Variants in SNUPN observed in about 807,000 individuals in gnomAD.
SNUPN encodes snurportin 1, also known as snurportin-1.
In SNUPN, 31 loss-of-function variants were observed where a neutral mutation model predicts 39.2. That is an observed-to-expected ratio of 0.79 (90% CI 0.59 to 1.07). SNUPN has a LOEUF of 1.07. SNUPN is among the 50% of genes least tolerant of loss of function. The pLI, the probability that SNUPN is intolerant of heterozygous loss-of-function variation, is 0.00. For synonymous variants in SNUPN, 132 were observed against 159.0 expected, an observed-to-expected ratio of 0.83 and a Z score of 1.28; for missense variants, 382 against 434.2, an observed-to-expected ratio of 0.88 and a Z score of 1.07.
Position 75,598,426 on chromosome 15 carries a change from G to C in SNUPN, c.1015C>G (p.Leu339Val). ...GAACCCTTCAACTTGGGAGTAGACA[G>C]GTGCTCCAATTCATAGTGCCCATTC... is the stretch of plus-strand genomic sequence containing the variant. ...SENGHYELEH[L>V]STPKLKGSSH... Residue 339 changes from leucine to valine, a missense_variant, in exon 9 of 9, where the codon CTG (leucine) becomes GTG (valine). Coordinates refer to ENST00000308588, the MANE Select transcript of SNUPN (RefSeq NM_005701.4). 1 of 1,614,214 alleles carries C rather than the reference G, an allele frequency of 6.2e-7. No homozygotes were observed. The highest frequency in any genetic ancestry group is 1.1e-5 in the South Asian group (1 of 91,088).
Position 75,605,238 on chromosome 15 carries a change from G to A in SNUPN, c.601-11C>T. The stretch of plus-strand genomic sequence containing the variant: ...GAATCGGAAATCAGTCTGCCACAGA[G>A]AAGGGAAACAGAAAGATGAAATACT... On this transcript the variant is annotated splice_polypyrimidine_tract_variant and intron_variant, in intron 6 of 8. Coordinates refer to ENST00000308588, the MANE Select transcript of SNUPN (RefSeq NM_005701.4). 2 of 1,584,416 alleles carry A rather than the reference G, an allele frequency of 1.3e-6. No individual in the cohort carries two copies. The highest frequency in any genetic ancestry group is 1.7e-6 in the Non-Finnish European group (2 of 1,156,214).
intron 6 of SNUPN, among the ~76,000 whole-genome samples, chr15:75,606,855 G>A (rs1482783089): frequency 2.0e-5 from 3 of 152,038 alleles, no homozygotes; most frequent in Non-Finnish European, 4.4e-5. Context: ...TGGGGCTGCT[G>A]CACAAGGTGG....
At chr15:75,616,971 C>T (rs375174183) in intron 3 of SNUPN, among the ~76,000 whole-genome samples, 182 of 152,292 alleles carry the variant, frequency 1.2e-3, no homozygotes, top group African/African-American at 4.1e-3. Flanking sequence ...AGACTGGCCT[C>T]ATAGTACACT....
intron 4 of SNUPN, 49 bp downstream of exon 4, chr15:75,609,841 T>A: frequency 7.0e-7 from 1 of 1,434,588 alleles, no homozygotes; most frequent in Non-Finnish European, 9.8e-7. Flanking sequence ...AAAGAATCCC[T>A]CCCACTACAG....
Position 75,598,486 on chromosome 15 carries a change from C to T in SNUPN, c.955G>A (p.Gly319Ser), listed in dbSNP as rs778923285. Residue 319 changes from glycine (G) to serine (S), a missense_variant, in exon 9 of 9, where the codon GGC becomes AGC. Coordinates refer to ENST00000308588, the MANE Select transcript of SNUPN (RefSeq NM_005701.4). ...IMEHKKSQKE[G>S]MKEKLTHKAS... is the part of the protein sequence containing the mutation. ...TTGTGTGTGAGTTTCTCCTTCATGC[C>T]TTCCTTCTGGCTCTTCTTGTGCTCC... The T allele has an allele frequency of 1.2e-6, 2 of 1,614,230 alleles. No individual in the cohort carries two copies. Among genetic ancestry groups the T allele is most frequent in the Non-Finnish European group, 1.7e-6 (2 of 1,180,054 alleles).
chr15:75,621,262 C>CT (rs67400161), intron 1 of SNUPN, among the ~76,000 whole-genome samples: 72,586 of 137,598 alleles, frequency 0.53, 19,607 homozygotes, highest in African/African-American at 0.64. Flanking sequence ...CAGATATTTC[C>CT]TTTTTTTTTT....
At chr15:75,621,401 C>T (rs1181113946) in intron 1 of SNUPN, among the ~76,000 whole-genome samples, 1 of 151,838 alleles carries the variant, frequency 6.6e-6, no homozygotes, top group East Asian at 1.9e-4. Flanking sequence ...ACTGAGACTA[C>T]AGGTATACAC....
intron 2 of SNUPN, among the ~76,000 whole-genome samples, chr15:75,620,631 GA>G (rs1893043562): frequency 6.6e-6 from 1 of 151,932 alleles, no homozygotes; most frequent in Non-Finnish European, 1.5e-5. Context: ...CAGCTGCCAG[GA>G]AAAAAAGAAA....
intron 4 of SNUPN, 94 bp downstream of exon 4, chr15:75,609,796 C>T: frequency 8.4e-7 from 1 of 1,183,944 alleles, no homozygotes. Flanking sequence ...CCACTCCAGG[C>T]ACAGCTGTTG....
intron 7 of SNUPN, among the ~76,000 whole-genome samples, chr15:75,604,729 C>T (rs1375878640): frequency 6.6e-6 from 1 of 151,974 alleles, no homozygotes; most frequent in African/African-American, 2.4e-5. Context: ...TTTTTTTAGT[C>T]TTTTTTTAGT....
chr15:75,612,294 A>G (rs190793488), intron 3 of SNUPN, among the ~76,000 whole-genome samples: 16 of 152,004 alleles, frequency 1.1e-4, no homozygotes, highest in Admixed American at 5.2e-4. Flanking sequence ...CGGCCTCCCA[A>G]AGTGCTGGGA....
Position 75,611,594 on chromosome 15 carries a change from C to T in SNUPN, c.304-1600G>A, listed in dbSNP as rs550780995. Among the ~76,000 whole-genome samples the T allele has an allele frequency of 3.9e-5, 6 of 151,932 alleles. No homozygotes were observed. The East Asian group carries it at 1.0e-3, about 25-fold the overall frequency. ...TTTTGTGGCCAGGAACGGTGGCTCA[C>T]GCCTATAATCCCAGCACTTTGAGAG... On this transcript the variant is annotated intron_variant, in intron 3 of 8. Transcript: ENST00000308588.
At chr15:75,604,792 T>C (rs1304353580) in intron 7 of SNUPN, among the ~76,000 whole-genome samples, 1 of 145,692 alleles carries the variant, frequency 6.9e-6, no homozygotes, top group Non-Finnish European at 1.6e-5. Context: ...GTTACATGAA[T>C]AAGTTCTTTT....
chr15:75,620,556 A>C (rs1419491681), intron 2 of SNUPN, among the ~76,000 whole-genome samples: 1 of 152,240 alleles, frequency 6.6e-6, no homozygotes, highest in African/African-American at 2.4e-5. Context: ...CAAGCATCCC[A>C]GGAAATGTGG....
At position 75,602,692 on chromosome 15, in the gene SNUPN, A is replaced by G. The variant is rs1004658231; in HGVS notation, c.679-1474T>C. On this transcript the variant is annotated intron_variant, in intron 7 of 8. Coordinates refer to ENST00000308588, the MANE Select transcript of SNUPN (RefSeq NM_005701.4). ...ACAATCACAGCTCACTGCAGCCTCAACCTCTTGGGCTCAAGTGATCCTCCC... is the reference window on the plus strand; with the variant it reads ...ACAATCACAGCTCACTGCAGCCTCAGCCTCTTGGGCTCAAGTGATCCTCCC... Among the ~76,000 whole-genome samples, 7 of 150,400 alleles carry G rather than the reference A, an allele frequency of 4.7e-5. No homozygotes were observed. The South Asian group carries it at 1.3e-3, about 27-fold the overall frequency.
intron 3 of SNUPN, among the ~76,000 whole-genome samples, chr15:75,614,032 G>A (rs1232115845): frequency 2.0e-5 from 3 of 152,154 alleles, no homozygotes; most frequent in Non-Finnish European, 4.4e-5. Context: ...GCTCACACCT[G>A]TAATCCCAGC....
chr15:75,623,092 C>G (rs886250610), intron 1 of SNUPN, among the ~76,000 whole-genome samples: 3 of 152,210 alleles, frequency 2.0e-5, no homozygotes, highest in Non-Finnish European at 2.9e-5. Flanking sequence ...CAGAACTCTC[C>G]AGAACTCCTT....
At position 75,625,691 on chromosome 15, in the gene SNUPN, G is replaced by C. The variant is rs899292008; in HGVS notation, c.-31C>G. On this transcript the variant is annotated 5_prime_UTR_variant, in exon 1 of 9. Transcript: ENST00000308588. ...CCAAACCGAGGTGACCGTCGCACGC[G>C]CCGCCGCCACCGGGGCCGACGAATC... is the stretch of plus-strand genomic sequence containing the variant. The C allele has an allele frequency of 2.6e-5, 4 of 151,356 alleles. No homozygotes were observed. Among genetic ancestry groups the C allele is most frequent in the Admixed American group, 6.6e-5 (1 of 15,164 alleles). The allele number at this position is 151,356 out of a possible 1,614,324, so 9.4% of individuals were successfully genotyped here.
chr15:75,604,206 G>A (rs2075313934), intron 7 of SNUPN, among the ~76,000 whole-genome samples: 1 of 146,348 alleles, frequency 6.8e-6, no homozygotes, highest in Non-Finnish European at 1.5e-5. Flanking sequence ...TGTTGCCCAG[G>A]CTGGAGTACA....
Sources: allele counts gnomAD v4.1 joint callset (sites outside exome capture counted in the v4.1 genomes callset), GRCh38; gene constraint gnomAD v4.1.1; transcripts MANE v1.5; gene names NCBI Gene and HGNC (gene_info 2026-07-23, HGNC 2026-07-21).